CDK14: variants seen among roughly 807,000 people sequenced by gnomAD.
CDK14 encodes the protein cyclin dependent kinase 14, also known as cyclin-dependent kinase 14.
In CDK14, 34 loss-of-function variants were observed where a neutral mutation model predicts 60.7. That is an observed-to-expected ratio of 0.56 (90% CI 0.43 to 0.75). The LOEUF (loss-of-function observed/expected upper bound fraction) is 0.75, where lower values mean the gene tolerates loss of function less well. CDK14 is among the 30% of genes least tolerant of loss of function. The probability of loss-of-function intolerance (pLI) is 0.00; values close to 1 mark genes in which losing one functional copy is unlikely to be tolerated. For missense variants in CDK14, 482 were observed against 564.1 expected, an observed-to-expected ratio of 0.85 and a Z score of 1.47; for synonymous variants, 197 against 203.7, an observed-to-expected ratio of 0.97 and a Z score of 0.28.
At chr7:90,772,779 C>G (rs1804842155) in intron 4 of CDK14, among the ~76,000 whole-genome samples, 1 of 152,114 alleles carries the variant, frequency 6.6e-6, no homozygotes, top group African/African-American at 2.4e-5. Flanking sequence ...CAAGAACAGA[C>G]TAATACACTG....
chr7:90,792,371 C>T (rs187246841), intron 5 of CDK14, among the ~76,000 whole-genome samples: 1 of 152,244 alleles, frequency 6.6e-6, no homozygotes, highest in East Asian at 1.9e-4. Context: ...CTCTTGAATA[C>T]AGTAGTATAT....
chr7:90,853,727 G>A (rs1191578916), intron 5 of CDK14, among the ~76,000 whole-genome samples: 1 of 152,324 alleles, frequency 6.6e-6, no homozygotes, highest in East Asian at 1.9e-4. Context: ...TGGTTGGCAT[G>A]TAGTAGATGT....
At chr7:90,621,918 C>A (rs1799779214) in intron 2 of CDK14, among the ~76,000 whole-genome samples, 1 of 152,168 alleles carries the variant, frequency 6.6e-6, no homozygotes, top group Non-Finnish European at 1.5e-5. Context: ...CCAGACACGG[C>A]CCTCACGCCA....
At chr7:90,728,134 A>G (rs1471749215) in intron 3 of CDK14, among the ~76,000 whole-genome samples, 1 of 151,968 alleles carries the variant, frequency 6.6e-6, no homozygotes, top group African/African-American at 2.4e-5. Flanking sequence ...AAATCCCTAG[A>G]CTATTCTGGT....
At chr7:91,172,104 G>A (rs1259673419) in intron 14 of CDK14, among the ~76,000 whole-genome samples, 1 of 152,152 alleles carries the variant, frequency 6.6e-6, no homozygotes, top group East Asian at 1.9e-4. Flanking sequence ...TTGTGCTTGG[G>A]TTTATGAGGT....
intron 2 of CDK14, among the ~76,000 whole-genome samples, chr7:90,640,235 C>A (rs557451159): frequency 6.6e-5 from 10 of 152,074 alleles, no homozygotes; most frequent in African/African-American, 2.4e-4. Flanking sequence ...AGCTGTAGAC[C>A]GGAGCTGTTC....
chr7:90,925,394 C>T (rs1042614667), intron 8 of CDK14, among the ~76,000 whole-genome samples: 1 of 152,066 alleles, frequency 6.6e-6, no homozygotes, highest in African/African-American at 2.4e-5. Flanking sequence ...AATTAAGTGC[C>T]CATATCATGC....
At chr7:90,674,295 T>C (rs1801155451) in intron 2 of CDK14, among the ~76,000 whole-genome samples, 1 of 152,156 alleles carries the variant, frequency 6.6e-6, no homozygotes, top group South Asian at 2.1e-4. Context: ...AGAATCTGTA[T>C]TGTTGAACCT....
intron 3 of CDK14, among the ~76,000 whole-genome samples, chr7:90,742,970 A>G (rs1803414259): frequency 6.6e-6 from 1 of 152,094 alleles, no homozygotes; most frequent in Non-Finnish European, 1.5e-5. Context: ...CCCCAAGTCT[A>G]AACATTAAAC....
At chr7:90,912,873 A>G (rs1313297640) in intron 7 of CDK14, among the ~76,000 whole-genome samples, 1 of 152,134 alleles carries the variant, frequency 6.6e-6, no homozygotes, top group African/African-American at 2.4e-5. Flanking sequence ...CTGCCTCCCA[A>G]AGTGTTGGGA....
intron 8 of CDK14, among the ~76,000 whole-genome samples, chr7:90,955,219 A>G (rs182164551): frequency 1.6e-3 from 245 of 152,306 alleles, no homozygotes; most frequent in Non-Finnish European, 3.0e-3. Flanking sequence ...TTTTAGGACA[A>G]TTCTTTGGGG....
Position 90,935,597 on chromosome 7 carries a change from A to G in CDK14, c.826+17873A>G, listed in dbSNP as rs141232832. 2.7e-3 allele frequency among the ~76,000 whole-genome samples: 410 copies of G among 152,328 alleles called. 1 individual carries two copies. Among genetic ancestry groups the G allele is most frequent in the Non-Finnish European group, 4.4e-3 (300 of 68,026 alleles). ...AGCTATAAATTCCTTAATTGCATGT[A>G]TACCTATCTTTACATAATGGGCAAT... On this transcript the variant is annotated intron_variant, in intron 8 of 14. Coordinates refer to ENST00000380050, the MANE Select transcript of CDK14 (RefSeq NM_001287135.2).
At chr7:91,100,204 TAGG>T (rs1799111857) in intron 12 of CDK14, among the ~76,000 whole-genome samples, 2 of 152,206 alleles carry the variant, frequency 1.3e-5, no homozygotes, top group Non-Finnish European at 2.9e-5. Context: ...TGATAAATCA[TAGG>T]AGAAGTTTTT....
chr7:90,726,419 AT>A (rs1225478755), intron 2 of CDK14, 147 bp from the exon 3 acceptor site: 1 of 1,222,898 alleles, frequency 8.2e-7, no homozygotes, highest in Non-Finnish European at 1.1e-6. Context: ...TTGTACTGTA[AT>A]TTATGCTGAT....
chr7:91,139,785 C>CCTTTCTTTCTTT (rs71292993), intron 14 of CDK14, among the ~76,000 whole-genome samples: 28,788 of 146,068 alleles, frequency 0.2, 3,302 homozygotes, highest in Non-Finnish European at 0.27. Flanking sequence ...TTTTTTCTTT[C>CCTTTCTTTCTTT]CTTTCTTTCT....
At chr7:90,771,598 T>C (rs1194909822) in intron 4 of CDK14, among the ~76,000 whole-genome samples, 2 of 152,194 alleles carry the variant, frequency 1.3e-5, no homozygotes, top group Non-Finnish European at 2.9e-5. Flanking sequence ...TGGTCAAATA[T>C]GTGCTGATTG....
At chr7:90,663,575 T>C (rs1046103248) in intron 2 of CDK14, among the ~76,000 whole-genome samples, 6 of 152,220 alleles carry the variant, frequency 3.9e-5, no homozygotes, top group African/African-American at 1.4e-4. Flanking sequence ...CACTGAATTG[T>C]TACTAGCAAA....
intron 14 of CDK14, among the ~76,000 whole-genome samples, chr7:91,176,341 C>G (rs937734782): frequency 4.5e-4 from 68 of 152,152 alleles, no homozygotes; most frequent in African/African-American, 1.5e-3. Context: ...GCACTAAATG[C>G]CCACAAGAGA....
At chr7:90,845,876 C>T (rs970693795) in intron 5 of CDK14, among the ~76,000 whole-genome samples, 31 of 152,084 alleles carry the variant, frequency 2.0e-4, no homozygotes, top group African/African-American at 7.2e-4. Flanking sequence ...CTTAAGCTCT[C>T]CTAGAATAGT....
Sources: allele counts gnomAD v4.1 joint callset (sites outside exome capture counted in the v4.1 genomes callset), GRCh38; gene constraint gnomAD v4.1.1; transcripts MANE v1.5; gene names NCBI Gene and HGNC (gene_info 2026-07-23, HGNC 2026-07-21).